The following PLCL1 variants were observed in gnomAD, a reference collection of about 807,000 sequenced individuals.
The protein encoded by PLCL1 is phospholipase C like 1 (inactive), also known as inactive phospholipase C-like protein 1.
In PLCL1, 41 loss-of-function variants were observed where a neutral mutation model predicts 84.4. The observed-to-expected ratio is 0.49, with a 90% confidence interval of 0.38 to 0.63. The LOEUF (loss-of-function observed/expected upper bound fraction) is 0.63. Among genes scored for constraint, PLCL1 ranks in the 30% least tolerant of loss-of-function variants. PLCL1 has a pLI of 0.00. For synonymous variants in PLCL1, 490 were observed against 488.3 expected, an observed-to-expected ratio of 1.00 and a Z score of -0.05; for missense variants, 1,206 against 1,367.8, an observed-to-expected ratio of 0.88 and a Z score of 1.87.
intron 1 of PLCL1, among the ~76,000 whole-genome samples, chr2:197,956,005 G>A (rs1048851587): frequency 6.6e-6 from 1 of 151,508 alleles, no homozygotes; most frequent in East Asian, 2.0e-4. Context: ...GGTGTGTGAT[G>A]TTCCCCTCCC....
chr2:197,922,808 G>A (rs1394473525), intron 1 of PLCL1, among the ~76,000 whole-genome samples: 6 of 126,476 alleles, frequency 4.7e-5, no homozygotes, highest in African/African-American at 8.8e-5. Context: ...CGGACGGGGC[G>A]GCTGGCCGGG....
At chr2:198,140,004 G>A (rs1694346638) in intron 5 of PLCL1, among the ~76,000 whole-genome samples, 2 of 152,020 alleles carry the variant, frequency 1.3e-5, no homozygotes, top group South Asian at 4.2e-4. Context: ...TGCGATCTTG[G>A]CTCAATGCAG....
chr2:198,143,354 C>T (rs1394387795), intron 5 of PLCL1, among the ~76,000 whole-genome samples: 5 of 152,214 alleles, frequency 3.3e-5, no homozygotes, highest in Admixed American at 6.5e-5. Context: ...AATGCTCACT[C>T]ACCCACTGCT....
chr2:197,848,602 G>A (rs968078794), intron 1 of PLCL1, among the ~76,000 whole-genome samples: 1 of 152,088 alleles, frequency 6.6e-6, no homozygotes, highest in Non-Finnish European at 1.5e-5. Flanking sequence ...AAAAGAAGGA[G>A]TCAAAAAATA....
rs541815288 is a variant in PLCL1, at chr2:197,956,996, A to T, written c.241-126762A>T. On this transcript the variant is annotated intron_variant, in intron 1 of 5. Coordinates refer to ENST00000428675, the MANE Select transcript of PLCL1 (RefSeq NM_006226.4). ...TGTTTTTGTCATGAAGTCTTTACCCATGTCAACTACTTTCTTTACTTGGTT... is the reference window on the plus strand; with the variant it reads ...TGTTTTTGTCATGAAGTCTTTACCCTTGTCAACTACTTTCTTTACTTGGTT... 5.3e-5 allele frequency among the ~76,000 whole-genome samples: 8 copies of T among 152,070 alleles called. No individual in the cohort carries two copies. The South Asian group carries it at 1.2e-3, about 24-fold the overall frequency.
rs545213844 is a variant in PLCL1, at chr2:197,810,086, C to A, written c.240+4747C>A. Among the ~76,000 whole-genome samples, 14 of 152,130 alleles carry A rather than the reference C, an allele frequency of 9.2e-5. 1 individual carries two copies. In the South Asian group the frequency reaches 2.9e-3, roughly 32 times the overall value. ...CCGTAAGGGTTGCTGAGAGTGTGCC[C>A]TGGGGGCTTCAGCTGCGGCTCTCCT... On this transcript the variant is annotated intron_variant, in intron 1 of 5. Transcript: ENST00000428675.
chr2:197,857,023 T>C (rs1159286751), intron 1 of PLCL1, among the ~76,000 whole-genome samples: 1 of 152,070 alleles, frequency 6.6e-6, no homozygotes, highest in Non-Finnish European at 1.5e-5. Context: ...AAGTAGCTAG[T>C]GGATGCTGGG....
At chr2:198,133,294 C>T (rs371066443) in intron 5 of PLCL1, among the ~76,000 whole-genome samples, 1 of 146,686 alleles carries the variant, frequency 6.8e-6, no homozygotes, top group African/African-American at 2.5e-5. Flanking sequence ...CCAAACACCG[C>T]ATATTCTCAC....
intron 1 of PLCL1, among the ~76,000 whole-genome samples, chr2:197,898,674 C>T (rs1324702522): frequency 6.6e-6 from 1 of 151,352 alleles, no homozygotes; most frequent in East Asian, 1.9e-4. Flanking sequence ...CCTGATAGAA[C>T]ATTTTTACAA....
chr2:197,848,593 AAAG>A (rs1330156995), intron 1 of PLCL1, among the ~76,000 whole-genome samples: 8 of 152,228 alleles, frequency 5.3e-5, no homozygotes, highest in African/African-American at 1.4e-4. Context: ...ATTGTGAACA[AAAG>A]AAGGAGTCAA....
At chr2:198,119,951 A>C (rs1277389675) in intron 5 of PLCL1, among the ~76,000 whole-genome samples, 4 of 151,994 alleles carry the variant, frequency 2.6e-5, no homozygotes, top group Non-Finnish European at 5.9e-5. Context: ...ACCTGTCCTT[A>C]ATATCCACAG....
intron 1 of PLCL1, among the ~76,000 whole-genome samples, chr2:197,867,983 TA>T (rs1462918948): frequency 6.6e-6 from 1 of 152,200 alleles, no homozygotes; most frequent in Non-Finnish European, 1.5e-5. Context: ...CTGTATACTT[TA>T]AACATGACAA....
At chr2:197,924,507 G>C (rs1296853159) in intron 1 of PLCL1, among the ~76,000 whole-genome samples, 2 of 151,990 alleles carry the variant, frequency 1.3e-5, no homozygotes. Context: ...GATGCATTAG[G>C]CTAAGTATTT....
chr2:198,080,447 G>C (rs1692682219), intron 1 of PLCL1, among the ~76,000 whole-genome samples: 1 of 152,186 alleles, frequency 6.6e-6, no homozygotes, highest in African/African-American at 2.4e-5. Flanking sequence ...ATGTAGGGGT[G>C]TAGGACTCTG....
intron 1 of PLCL1, among the ~76,000 whole-genome samples, chr2:198,002,686 G>A (rs908400476): frequency 6.6e-6 from 1 of 152,184 alleles, no homozygotes; most frequent in Non-Finnish European, 1.5e-5. Flanking sequence ...AAACAGTGAA[G>A]CTTTAAAAAG....
chr2:197,839,513 G>A (rs1014151845), intron 1 of PLCL1, among the ~76,000 whole-genome samples: 1 of 152,200 alleles, frequency 6.6e-6, no homozygotes, highest in African/African-American at 2.4e-5. Context: ...GGTCTGACAG[G>A]AGGTGGAGCT....
intron 4 of PLCL1, among the ~76,000 whole-genome samples, chr2:198,102,759 A>C (rs1270019734): frequency 2.0e-5 from 3 of 152,114 alleles, no homozygotes; most frequent in Admixed American, 6.6e-5. Flanking sequence ...TGCACTGTAG[A>C]AAAGAGTTTA....
At chr2:198,011,440 G>A (rs547493233) in intron 1 of PLCL1, among the ~76,000 whole-genome samples, 2 of 151,906 alleles carry the variant, frequency 1.3e-5, no homozygotes, top group African/African-American at 4.8e-5. Flanking sequence ...TTCTGCTATT[G>A]ATTTTTAGTT....
chr2:198,019,016 CGAAG>C (rs1691069528), intron 1 of PLCL1, among the ~76,000 whole-genome samples: 1 of 152,132 alleles, frequency 6.6e-6, no homozygotes, highest in South Asian at 2.1e-4. Flanking sequence ...CCCTCTGGGA[CGAAG>C]CTTCCAGAGG....
Sources: gnomAD v4.1 joint callset for allele counts (sites outside exome capture counted in the v4.1 genomes callset) on GRCh38, gnomAD v4.1.1 for gene constraint, MANE v1.5 for transcripts, NCBI Gene and HGNC (gene_info 2026-07-23, HGNC 2026-07-21) for gene names.